The following CDH12 variants were observed in gnomAD, a reference collection of about 807,000 sequenced individuals.
CDH12 encodes the protein cadherin-12.
Under a neutral mutation model 74.1 loss-of-function variants are expected in CDH12, and 41 were observed. The observed-to-expected ratio is 0.55, with a 90% CI of 0.43 to 0.72. The LOEUF (loss-of-function observed/expected upper bound fraction) is 0.72. Ranked by LOEUF, CDH12 falls within the 30% of genes least tolerant of loss-of-function variation. The pLI is 0.00. For missense variants in CDH12, 945 were observed against 977.2 expected, an observed-to-expected ratio of 0.97 and a Z score of 0.44; for synonymous variants, 399 against 355.0, an observed-to-expected ratio of 1.12 and a Z score of -1.39.
intron 6 of CDH12, among the ~76,000 whole-genome samples, chr5:21,896,301 AG>A (rs1753120595): frequency 6.6e-6 from 1 of 152,248 alleles, no homozygotes; most frequent in South Asian, 2.1e-4. Flanking sequence ...AATTTGTTTC[AG>A]TACCAACTCT....
At chr5:21,797,626 A>G (rs997663481) in intron 10 of CDH12, among the ~76,000 whole-genome samples, 4 of 152,072 alleles carry the variant, frequency 2.6e-5, no homozygotes, top group African/African-American at 4.8e-5. Flanking sequence ...ATACTACTTT[A>G]TTTCATATAA....
At chr5:21,916,428 T>C (rs1450291104) in intron 6 of CDH12, among the ~76,000 whole-genome samples, 1 of 152,234 alleles carries the variant, frequency 6.6e-6, no homozygotes, top group Non-Finnish European at 1.5e-5. Context: ...TGTCTTTGCA[T>C]TAATATTTCA....
intron 2 of CDH12, among the ~76,000 whole-genome samples, chr5:22,457,985 C>T (rs574723143): frequency 6.6e-6 from 1 of 152,090 alleles, no homozygotes; most frequent in East Asian, 1.9e-4. Flanking sequence ...CCTCATGATC[C>T]ACCCGCCTCG....
chr5:22,619,236 G>A (rs867531296), intron 1 of CDH12, among the ~76,000 whole-genome samples: 13 of 152,010 alleles, frequency 8.6e-5, no homozygotes, highest in Admixed American at 5.9e-4. Context: ...AACAAAGGTC[G>A]TGTATTTTAC....
intron 3 of CDH12, among the ~76,000 whole-genome samples, chr5:22,215,304 C>T (rs1580413337): frequency 6.6e-6 from 1 of 152,078 alleles, no homozygotes; most frequent in Non-Finnish European, 1.5e-5. Flanking sequence ...ACCCTTACTT[C>T]CAACAGAATG....
chr5:22,007,687 G>A (rs1023724773), intron 5 of CDH12, among the ~76,000 whole-genome samples: 3 of 152,210 alleles, frequency 2.0e-5, no homozygotes, highest in East Asian at 3.9e-4. Flanking sequence ...GATGCAAACC[G>A]AAAATAACAG....
rs999794119 is a variant in CDH12, at chr5:22,131,531, C to A, written c.-186-52669G>T. ...GAACTGGAATGGCAAAATTTATTTC[C>A]TGAGTGATTAAATGGCTCCACTCCT... On this transcript the variant is annotated intron_variant, in intron 4 of 14. Transcript: ENST00000382254. 4.6e-5 allele frequency among the ~76,000 whole-genome samples: 7 copies of A among 152,068 alleles called. 1 individual carries two copies. The highest frequency in any genetic ancestry group is 4.6e-4 in the Admixed American group (7 of 15,230).
At chr5:22,643,586 T>C (rs1355437319) in intron 1 of CDH12, among the ~76,000 whole-genome samples, 1 of 152,072 alleles carries the variant, frequency 6.6e-6, no homozygotes, top group Non-Finnish European at 1.5e-5. Flanking sequence ...GGTGATGTTG[T>C]AAACAAACAA....
chr5:22,111,271 T>A (rs1196873341), intron 4 of CDH12, among the ~76,000 whole-genome samples: 1 of 152,164 alleles, frequency 6.6e-6, no homozygotes, highest in African/African-American at 2.4e-5. Context: ...ACTGATTCTC[T>A]TAGATGACAC....
At chr5:21,763,702 T>C (rs1163106701) in intron 12 of CDH12, among the ~76,000 whole-genome samples, 1 of 152,160 alleles carries the variant, frequency 6.6e-6, no homozygotes, top group African/African-American at 2.4e-5. Flanking sequence ...CCTGATTCCT[T>C]TTATATTATT....
chr5:22,761,136 G>A (rs1746206199), intron 1 of CDH12, among the ~76,000 whole-genome samples: 1 of 152,088 alleles, frequency 6.6e-6, no homozygotes, highest in Admixed American at 6.6e-5. Context: ...CTTCAAAGAT[G>A]CCTGACTTGT....
At chr5:22,151,275 T>C (rs985476236) in intron 4 of CDH12, among the ~76,000 whole-genome samples, 1 of 152,152 alleles carries the variant, frequency 6.6e-6, no homozygotes, top group Non-Finnish European at 1.5e-5. Context: ...TTTAAACTGA[T>C]GAAATTAGAA....
chr5:22,148,820 T>C (rs1285641271), intron 4 of CDH12, among the ~76,000 whole-genome samples: 4 of 152,132 alleles, frequency 2.6e-5, no homozygotes, highest in African/African-American at 9.7e-5. Context: ...TCCTTTCTCT[T>C]TTAAAGATAC....
chr5:22,023,520 G>GTA (rs908436155), intron 5 of CDH12, among the ~76,000 whole-genome samples: 7 of 151,016 alleles, frequency 4.6e-5, no homozygotes, highest in South Asian at 2.1e-4. Flanking sequence ...GTGTGTGTGT[G>GTA]TATATATATA....
intron 1 of CDH12, among the ~76,000 whole-genome samples, chr5:22,713,934 C>A (rs1360094648): frequency 6.6e-6 from 1 of 152,166 alleles, no homozygotes; most frequent in Non-Finnish European, 1.5e-5. Flanking sequence ...TCATCCATAG[C>A]TCTACATCAG....
At chr5:22,666,550 A>T (rs934100242) in intron 1 of CDH12, among the ~76,000 whole-genome samples, 2 of 151,922 alleles carry the variant, frequency 1.3e-5, no homozygotes, top group African/African-American at 4.8e-5. Context: ...TCGGCCTCCC[A>T]AAGTGCTGGG....
intron 3 of CDH12, among the ~76,000 whole-genome samples, chr5:22,331,976 G>C (rs1249754025): frequency 1.3e-5 from 2 of 151,942 alleles, no homozygotes; most frequent in East Asian, 3.9e-4. Context: ...AGGAGACAAA[G>C]AAAGAATAAA....
rs1442386242 is a variant in CDH12 at position 21,755,824 on chromosome 5, T to C, written c.1652A>G (p.Glu551Gly). The C allele has an allele frequency of 1.2e-6, 2 of 1,613,966 alleles. No homozygotes were observed. The part of the protein sequence containing the change: ...RDFRNNTAGI[E>G]TRRNGYSRRQ... ...GCGGCTGTATCCATTTCTTCGGGTT[T>C]CAATCCCCGCTGTGTTGTCTACAAA... Residue 551 changes from glutamate (E) to glycine (G), a missense_variant, in exon 14 of 15, where the codon GAA becomes GGA. Transcript: ENST00000382254.
intron 3 of CDH12, among the ~76,000 whole-genome samples, chr5:22,268,098 G>A (rs1175775370): frequency 1.3e-5 from 2 of 152,010 alleles, no homozygotes; most frequent in East Asian, 1.9e-4. Context: ...AATGGGGAGC[G>A]TGTGTGAGGT....
Sources: allele counts gnomAD v4.1 joint callset (sites outside exome capture counted in the v4.1 genomes callset), GRCh38; gene constraint gnomAD v4.1.1; transcripts MANE v1.5; gene names NCBI Gene and HGNC (gene_info 2026-07-23, HGNC 2026-07-21).